Variants in ARPP21 observed in about 807,000 individuals in gnomAD.
ARPP21 encodes cAMP regulated phosphoprotein 21, also known as cAMP-regulated phosphoprotein 21.
A neutral mutation model predicts 113.2 loss-of-function variants in ARPP21; 69 were observed. The ratio of observed to expected loss-of-function variants is 0.61; its 90% CI spans 0.50 to 0.74. The LOEUF is 0.74. Ranked by LOEUF, ARPP21 falls within the 30% of genes least tolerant of loss-of-function variation. The pLI is 0.00. For missense variants in ARPP21, 1,070 were observed against 1,037.4 expected (o/e 1.03, Z -0.43); for synonymous variants, 368 against 375.5 (o/e 0.98, Z 0.23).
intron 1 of ARPP21, chr3:35,679,546 G>A (rs978367103): frequency 6.6e-6 from 1 of 151,176 alleles, no homozygotes; most frequent in Admixed American, 6.6e-5. Flanking sequence ...AGTAATCTTC[G>A]GTGCATAATG....
At chr3:35,708,517 T>C (rs562866836) in intron 10 of ARPP21, among the ~76,000 whole-genome samples, 2 of 152,364 alleles carry the variant, frequency 1.3e-5, no homozygotes, top group East Asian at 3.9e-4. Flanking sequence ...CACTTGCTTT[T>C]TCTCCAGTCC....
intron 11 of ARPP21, among the ~76,000 whole-genome samples, chr3:35,712,514 CTGTGTGTGTGTGTGTGTGTG>C (rs10579469): frequency 2.3e-5 from 3 of 132,842 alleles, no homozygotes; most frequent in East Asian, 2.2e-4. Flanking sequence ...TCTAAGGTGT[CTGTGTGTGTGTGTGTGTGTG>C]TGTGTGTGTG....
chr3:35,771,518 G>A (rs1474140006), intron 19 of ARPP21, among the ~76,000 whole-genome samples: 9 of 151,964 alleles, frequency 5.9e-5, no homozygotes, highest in Admixed American at 2.0e-4. Context: ...TAGTAATGAC[G>A]GGGTTTCACC....
chr3:35,722,680 G>T (rs1187620534), intron 14 of ARPP21, among the ~76,000 whole-genome samples: 1 of 152,100 alleles, frequency 6.6e-6, no homozygotes, highest in East Asian at 1.9e-4. Flanking sequence ...AAGTTTGCAT[G>T]AACAGTCTTT....
chr3:35,767,039 G>A (rs1410888901), intron 19 of ARPP21, among the ~76,000 whole-genome samples: 6 of 152,126 alleles, frequency 3.9e-5, no homozygotes, highest in African/African-American at 1.4e-4. Context: ...CAGTGTCTCA[G>A]TGAAACCACT....
chr3:35,639,328 G>T (rs1203779130), upstream of ARPP21, among the ~76,000 whole-genome samples: 1 of 151,880 alleles, frequency 6.6e-6, no homozygotes, highest in African/African-American at 2.4e-5. This position sits in a 1 kb window ranked among gnomAD's most constrained non-coding sequence, Gnocchi z 5.0. Flanking sequence ...GCAGGCGTCC[G>T]GCTGCCGCCA....
intron 14 of ARPP21, among the ~76,000 whole-genome samples, chr3:35,728,851 C>A (rs1444444064): frequency 6.6e-6 from 1 of 152,138 alleles, no homozygotes; most frequent in Non-Finnish European, 1.5e-5. Context: ...CAGAACCATG[C>A]ACATGAACTT....
chr3:35,743,844 T>C lies in ARPP21; in HGVS notation c.2016T>C (p.Pro672=), dbSNP rs2094838699. Reference sequence around the variant, plus strand: ...CTTCCTCCTTTCTTCCACAGATGCCTGTATATTATTACCCATCTGGTCAGT... The same window carrying C: ...CTTCCTCCTTTCTTCCACAGATGCCCGTATATTATTACCCATCTGGTCAGT... ...FVQQPPPAQM[P]VYYYPSGQYP... Residue 672 remains proline (P), a synonymous_variant, in exon 19 of 21, where the codon CCT becomes CCC. Transcript: ENST00000684406. 1 of 1,613,756 alleles carries C rather than the reference T, an allele frequency of 6.2e-7. No individual in the cohort carries two copies. The highest frequency in any genetic ancestry group is 8.5e-7 in the Non-Finnish European group (1 of 1,179,766).
At position 35,725,697 on chromosome 3, in the gene ARPP21, A is replaced by T. The variant is rs148096950; in HGVS notation, c.1226-3606A>T. ...GTTTTGACTTGTGATCTCTTTTTCT[A>T]TCTTTTGTCATGTTTCCCATTTTCT... On this transcript the variant is annotated intron_variant, in intron 14 of 20. Transcript: ENST00000684406. Among the ~76,000 whole-genome samples, 26 of 151,670 alleles carry T rather than the reference A, an allele frequency of 1.7e-4. No homozygotes were observed. In the East Asian group the frequency reaches 5.1e-3, roughly 29 times the overall value.
chr3:35,757,891 C>T (rs1318101226), intron 19 of ARPP21, among the ~76,000 whole-genome samples: 1 of 152,026 alleles, frequency 6.6e-6, no homozygotes, highest in Non-Finnish European at 1.5e-5. Flanking sequence ...AGAAGTAAAA[C>T]TGTATTTTCA....
At chr3:35,762,126 T>TCTCTCTCTCACACA (rs1424526664) in intron 19 of ARPP21, among the ~76,000 whole-genome samples, 4 of 126,956 alleles carry the variant, frequency 3.2e-5, no homozygotes, top group African/African-American at 1.1e-4. Context: ...TCTCTCTCTC[T>TCTCTCTCTCACACA]CACACACACA....
intron 1 of ARPP21, among the ~76,000 whole-genome samples, chr3:35,669,460 T>C (rs968537212): frequency 5.9e-5 from 9 of 152,180 alleles, no homozygotes; most frequent in African/African-American, 1.2e-4. Flanking sequence ...TGATTCTTTT[T>C]TGGATAATTT....
chr3:35,709,205 A>G, intron 11 of ARPP21, 135 bp downstream of exon 11: 1 of 652,220 alleles, frequency 1.5e-6, no homozygotes, highest in East Asian at 2.7e-5. Context: ...AGAAAACTAG[A>G]GGTGATTTTG....
chr3:35,728,976 A>G (rs988850168), intron 14 of ARPP21, among the ~76,000 whole-genome samples: 4 of 152,140 alleles, frequency 2.6e-5, no homozygotes, highest in African/African-American at 9.7e-5. Context: ...TTGGGGATAT[A>G]GGAGGGATTT....
chr3:35,768,892 A>T (rs1264024148), intron 19 of ARPP21, among the ~76,000 whole-genome samples: 1 of 152,220 alleles, frequency 6.6e-6, no homozygotes, highest in African/African-American at 2.4e-5. Context: ...ATAGTTTACT[A>T]AAGAATTAGA....
rs146180727 is a variant in ARPP21 at position 35,775,601 on chromosome 3, T to C, written c.2138-16781T>C. On this transcript the variant is annotated intron_variant, in intron 19 of 20. Transcript: ENST00000684406. ...TTAACAGACATATCTGGTCATCCCA[T>C]ATAAAACTGGAAAATTTGTGTTTTA... Among the ~76,000 whole-genome samples the C allele has an allele frequency of 1.2e-3, 185 of 152,270 alleles. 3 individuals are homozygous for C. The East Asian group carries it at 0.033, about 27-fold the overall frequency.
At chr3:35,721,142 C>T (rs1340440006) in intron 13 of ARPP21, among the ~76,000 whole-genome samples, 1 of 152,148 alleles carries the variant, frequency 6.6e-6, no homozygotes, top group African/African-American at 2.4e-5. Flanking sequence ...GATCTATGTG[C>T]ATTTTTCCAT....
intron 19 of ARPP21, among the ~76,000 whole-genome samples, chr3:35,759,153 G>T (rs1295803449): frequency 4.6e-5 from 7 of 151,892 alleles, no homozygotes; most frequent in Non-Finnish European, 1.0e-4. Flanking sequence ...TTAAAAATTG[G>T]CAAGACAAAC....
At chr3:35,737,703 C>T (rs927598174) in intron 16 of ARPP21, among the ~76,000 whole-genome samples, 2 of 152,136 alleles carry the variant, frequency 1.3e-5, no homozygotes, top group Admixed American at 1.3e-4. Context: ...CTCCCCCATT[C>T]CCGTCACAGA....
Sources: gnomAD v4.1 joint callset for allele counts (sites outside exome capture counted in the v4.1 genomes callset) on GRCh38, gnomAD v4.1.1 for gene constraint, Gnocchi (gnomAD v3.1) non-coding constraint, MANE v1.5 for transcripts, NCBI Gene and HGNC (gene_info 2026-07-23, HGNC 2026-07-21) for gene names.